GPC6: variants seen among roughly 807,000 people sequenced by gnomAD.
The protein encoded by GPC6 is glypican-6.
GPC6 carries 14 observed loss-of-function variants against 55.2 expected under a neutral mutation model. That is an observed-to-expected ratio of 0.25 (90% CI 0.17 to 0.40). The LOEUF is 0.40. GPC6 is among the 10% of genes least tolerant of loss of function. The pLI is 1.00. For missense variants in GPC6, 641 were observed against 708.5 expected (o/e 0.90, Z 1.08); for synonymous variants, 278 against 259.6 (o/e 1.07, Z -0.68).
intron 2 of GPC6, among the ~76,000 whole-genome samples, chr13:93,552,821 A>G (rs1206836134): frequency 6.6e-6 from 1 of 152,230 alleles, no homozygotes; most frequent in East Asian, 1.9e-4. Context: ...TGAGCAGACA[A>G]GTATCCTTTC....
At chr13:93,837,155 A>AT (rs1864192944) in intron 3 of GPC6, among the ~76,000 whole-genome samples, 1 of 152,154 alleles carries the variant, frequency 6.6e-6, no homozygotes, top group South Asian at 2.1e-4. Context: ...TATTTGTGTA[A>AT]TCTTGTTCTT....
chr13:93,261,650 T>C (rs527903975), intron 1 of GPC6, among the ~76,000 whole-genome samples: 6 of 152,186 alleles, frequency 3.9e-5, no homozygotes, highest in Non-Finnish European at 8.8e-5. Flanking sequence ...CAGAATTCCC[T>C]GAGAAGTGTG....
chr13:93,852,386 C>G (rs1474131342), intron 3 of GPC6, among the ~76,000 whole-genome samples: 1 of 151,682 alleles, frequency 6.6e-6, no homozygotes, highest in Non-Finnish European at 1.5e-5. Flanking sequence ...TGTATTCTCT[C>G]CAAAGTATCT....
chr13:94,001,422 CT>C (rs1168458078), intron 3 of GPC6, among the ~76,000 whole-genome samples: 1 of 151,942 alleles, frequency 6.6e-6, no homozygotes, highest in Non-Finnish European at 1.5e-5. Flanking sequence ...TGAACAATGC[CT>C]TTAGGTTTTT....
rs183087353 is a variant in GPC6 at position 93,799,097 on chromosome 13, A to C, written c.320-31057A>C. ...CTGCTACTAAAATCTGTTTTTTCTC[A>C]GTGACGAGTTCACATTCACCGTGTA... is the stretch of plus-strand genomic sequence containing the variant. On this transcript the variant is annotated intron_variant, in intron 2 of 8. Transcript: ENST00000377047. 1.9e-3 allele frequency among the ~76,000 whole-genome samples: 286 copies of C among 152,260 alleles called. 2 individuals are homozygous for C. Among genetic ancestry groups the C allele is most frequent in the African/African-American group, 6.7e-3 (277 of 41,548 alleles).
chr13:94,322,657 TAAG>T (rs911214873), intron 6 of GPC6, among the ~76,000 whole-genome samples: 3 of 152,164 alleles, frequency 2.0e-5, no homozygotes, highest in Middle Eastern at 3.4e-3. Context: ...AATTAAAAAA[TAAG>T]AAAACAAAAA....
intron 1 of GPC6, among the ~76,000 whole-genome samples, chr13:93,418,419 C>T (rs1876785644): frequency 6.6e-6 from 1 of 151,036 alleles, no homozygotes; most frequent in African/African-American, 2.4e-5. Context: ...TTATTAATAG[C>T]ACTATACCAT....
chr13:93,569,911 G>T (rs191805375), intron 2 of GPC6, among the ~76,000 whole-genome samples: 29 of 152,080 alleles, frequency 1.9e-4, no homozygotes, highest in Non-Finnish European at 3.8e-4. Flanking sequence ...AAAATATAAA[G>T]TATCTTTATA....
intron 1 of GPC6, among the ~76,000 whole-genome samples, chr13:93,446,234 C>T (rs1249316177): frequency 1.3e-5 from 2 of 152,116 alleles, no homozygotes; most frequent in Non-Finnish European, 2.9e-5. Flanking sequence ...CTAGCTCCTG[C>T]AAGCTCCTTT....
chr13:93,314,594 G>T (rs1183070953), intron 1 of GPC6, among the ~76,000 whole-genome samples: 1 of 152,140 alleles, frequency 6.6e-6, no homozygotes, highest in Non-Finnish European at 1.5e-5. Context: ...GACCTTGGTT[G>T]CCTTGTTTAG....
intron 2 of GPC6, among the ~76,000 whole-genome samples, chr13:93,776,851 A>T (rs1450100656): frequency 1.3e-5 from 2 of 152,198 alleles, no homozygotes; most frequent in Non-Finnish European, 2.9e-5. Flanking sequence ...GCAGGCTTAC[A>T]GAAACATCAG....
chr13:93,951,734 A>G (rs1393641893), intron 3 of GPC6, among the ~76,000 whole-genome samples: 1 of 152,154 alleles, frequency 6.6e-6, no homozygotes, highest in East Asian at 1.9e-4. Flanking sequence ...TTAGGTAATA[A>G]TCTCTCTAAT....
chr13:93,374,749 C>T (rs369289888), intron 1 of GPC6, among the ~76,000 whole-genome samples: 1 of 152,316 alleles, frequency 6.6e-6, no homozygotes, highest in East Asian at 1.9e-4. Flanking sequence ...GTAGCTATTA[C>T]TACCTACCTG....
At chr13:93,376,280 A>T (rs1874894649) in intron 1 of GPC6, among the ~76,000 whole-genome samples, 1 of 152,176 alleles carries the variant, frequency 6.6e-6, no homozygotes, top group Admixed American at 6.5e-5. Context: ...TACTGAACTC[A>T]TGTAACCCAG....
At chr13:93,763,945 C>T (rs1347950818) in intron 2 of GPC6, among the ~76,000 whole-genome samples, 2 of 151,972 alleles carry the variant, frequency 1.3e-5, no homozygotes, top group Admixed American at 1.3e-4. Flanking sequence ...TGTCAGGAAA[C>T]ACTGTCTATA....
intron 1 of GPC6, among the ~76,000 whole-genome samples, chr13:93,242,024 G>A (rs556239140): frequency 2.0e-5 from 3 of 152,286 alleles, no homozygotes; most frequent in South Asian, 2.1e-4. Flanking sequence ...GTCTCCTGTG[G>A]TGCTGGAATG....
chr13:93,259,677 A>G (rs911280110), intron 1 of GPC6, among the ~76,000 whole-genome samples: 1 of 152,148 alleles, frequency 6.6e-6, no homozygotes, highest in South Asian at 2.1e-4. Flanking sequence ...GGAGACATCC[A>G]TCTCATCTTA....
intron 4 of GPC6, among the ~76,000 whole-genome samples, chr13:94,123,709 AG>A (rs1396286577): frequency 6.6e-6 from 1 of 151,984 alleles, no homozygotes; most frequent in Non-Finnish European, 1.5e-5. Context: ...GTATTTGAAA[AG>A]GGAGTGGGGG....
chr13:93,414,464 C>T (rs1446830350), intron 1 of GPC6, among the ~76,000 whole-genome samples: 3 of 152,116 alleles, frequency 2.0e-5, no homozygotes, highest in Non-Finnish European at 2.9e-5. Flanking sequence ...TTCAGCAATA[C>T]GATCGTCTGT....
Sources: gnomAD v4.1 joint callset for allele counts (sites outside exome capture counted in the v4.1 genomes callset) on GRCh38, gnomAD v4.1.1 for gene constraint, MANE v1.5 for transcripts, NCBI Gene and HGNC (gene_info 2026-07-23, HGNC 2026-07-21) for gene names.